Variants in AFF3 observed in about 807,000 individuals in gnomAD.
AFF3 encodes ALF transcription elongation factor 3, also known as AF4/FMR2 family member 3.
In AFF3, 32 loss-of-function variants were observed where a neutral mutation model predicts 129.7. The observed-to-expected ratio is 0.25, with a 90% CI of 0.19 to 0.33. The LOEUF is 0.33. Among genes scored for constraint, AFF3 ranks in the 10% least tolerant of loss-of-function variants. The probability of loss-of-function intolerance (pLI) is 1.00; values close to 1 mark genes in which losing one functional copy is unlikely to be tolerated. For synonymous variants in AFF3, 644 were observed against 635.4 expected, an observed-to-expected ratio of 1.01 and a Z score of -0.20; for missense variants, 1,373 against 1,592.0, an observed-to-expected ratio of 0.86 and a Z score of 2.34.
chr2:99,755,714 G>T (rs1192742124), intron 8 of AFF3, among the ~76,000 whole-genome samples: 1 of 152,102 alleles, frequency 6.6e-6, no homozygotes, highest in Non-Finnish European at 1.5e-5. Context: ...CTGATCTTTG[G>T]ACTTCGTCTT....
chr2:99,719,110 T>C (rs1443754122), intron 11 of AFF3, among the ~76,000 whole-genome samples: 1 of 149,338 alleles, frequency 6.7e-6, no homozygotes, highest in Admixed American at 6.7e-5. Flanking sequence ...TTCCTTCTAG[T>C]CCTAGTTGGC....
At chr2:100,016,534 T>C (rs1251248209) in intron 4 of AFF3, among the ~76,000 whole-genome samples, 1 of 150,492 alleles carries the variant, frequency 6.6e-6, no homozygotes, top group Non-Finnish European at 1.5e-5. Context: ...GTAGTGGTGG[T>C]GATGGTGGTA....
At chr2:100,046,115 A>G (rs544992646) in intron 4 of AFF3, among the ~76,000 whole-genome samples, 1 of 152,312 alleles carries the variant, frequency 6.6e-6, no homozygotes, top group South Asian at 2.1e-4. Flanking sequence ...CCTTCAAAAG[A>G]AAACCTTTCT....
In AFF3 at chr2:99,546,825, A is replaced by G. The variant is rs753566121; in HGVS notation, c.*4649T>C. ...AGTCAGGGAACTAACTTGTGACACTAAAGAATGACAAGCAAAGCGGCATCC... is the reference window on the plus strand; with the variant it reads ...AGTCAGGGAACTAACTTGTGACACTGAAGAATGACAAGCAAAGCGGCATCC... On this transcript the variant is annotated 3_prime_UTR_variant, in exon 25 of 25. Transcript: ENST00000672756. 1 of 214,234 alleles carries G rather than the reference A, an allele frequency of 4.7e-6. No individual in the cohort carries two copies. Among genetic ancestry groups the G allele is most frequent in the East Asian group, 7.0e-5 (1 of 14,374 alleles). The allele number at this position is 214,234 out of a possible 1,614,324, so 13.3% of individuals were successfully genotyped here.
intron 4 of AFF3, among the ~76,000 whole-genome samples, chr2:100,046,587 G>A (rs1189884551): frequency 6.6e-6 from 1 of 152,190 alleles, no homozygotes; most frequent in East Asian, 1.9e-4. Flanking sequence ...GCAAGGGAAG[G>A]ATTCTATTTA....
intron 8 of AFF3, among the ~76,000 whole-genome samples, chr2:99,817,383 T>A (rs2105645621): frequency 6.6e-6 from 1 of 152,356 alleles, no homozygotes; most frequent in South Asian, 2.1e-4. Flanking sequence ...TCCTGCTTCT[T>A]CCTGACACGT....
At chr2:99,609,476 C>T (rs191406607) in intron 13 of AFF3, among the ~76,000 whole-genome samples, 4 of 152,258 alleles carry the variant, frequency 2.6e-5, no homozygotes, top group Non-Finnish European at 4.4e-5. Context: ...TGAGAACACA[C>T]GACGCTTGAT....
intron 4 of AFF3, among the ~76,000 whole-genome samples, chr2:100,061,409 T>A (rs1687261302): frequency 6.6e-6 from 1 of 151,838 alleles, no homozygotes; most frequent in Non-Finnish European, 1.5e-5. Flanking sequence ...GGCTTCCTGA[T>A]CATCTTTATG....
chr2:99,924,675 A>G (rs559660323), intron 7 of AFF3, among the ~76,000 whole-genome samples: 4 of 152,280 alleles, frequency 2.6e-5, no homozygotes, highest in African/African-American at 4.8e-5. Context: ...AGTCTGTCAC[A>G]TTACTTATAA....
intron 8 of AFF3, among the ~76,000 whole-genome samples, chr2:99,812,159 T>C (rs1010348887): frequency 6.6e-6 from 1 of 152,198 alleles, no homozygotes; most frequent in Non-Finnish European, 1.5e-5. Flanking sequence ...CCAATCCTGA[T>C]GACCAGGTTC....
intron 12 of AFF3, among the ~76,000 whole-genome samples, chr2:99,650,425 G>A (rs1685128727): frequency 6.6e-6 from 1 of 152,086 alleles, no homozygotes; most frequent in African/African-American, 2.4e-5. Context: ...TGGGTGTGGT[G>A]GCATGCGCCT....
intron 7 of AFF3, among the ~76,000 whole-genome samples, chr2:99,944,294 G>T (rs1054849527): frequency 1.3e-5 from 2 of 152,206 alleles, no homozygotes; most frequent in Non-Finnish European, 2.9e-5. Flanking sequence ...TCTGTTTAAT[G>T]TCAGATAACA....
intron 3 of AFF3, 124 bp downstream of exon 3, chr2:100,105,379 CG>C: frequency 7.9e-7 from 1 of 1,267,356 alleles, no homozygotes; most frequent in Non-Finnish European, 1.0e-6. Context: ...AATAAAGCGG[CG>C]GCGCGGAGGA....
chr2:100,095,946 C>T (rs1475040345), intron 4 of AFF3, among the ~76,000 whole-genome samples: 1 of 152,164 alleles, frequency 6.6e-6, no homozygotes, highest in East Asian at 1.9e-4. Flanking sequence ...ACTGAAGTAT[C>T]TGAAACCTAC....
At chr2:99,696,116 T>A (rs1166110668) in intron 11 of AFF3, among the ~76,000 whole-genome samples, 2 of 151,742 alleles carry the variant, frequency 1.3e-5, no homozygotes, top group African/African-American at 4.8e-5. Flanking sequence ...CCAAACCCAT[T>A]CAGACAAAAT....
At chr2:99,620,986 T>C (rs1257644698) in intron 13 of AFF3, among the ~76,000 whole-genome samples, 2 of 152,222 alleles carry the variant, frequency 1.3e-5, no homozygotes, top group African/African-American at 4.8e-5. Flanking sequence ...TGCAGAACCA[T>C]GAGCCAAATA....
chr2:100,040,692 G>A (rs544289150), intron 4 of AFF3, among the ~76,000 whole-genome samples: 1 of 152,222 alleles, frequency 6.6e-6, no homozygotes, highest in South Asian at 2.1e-4. Flanking sequence ...CTACCGACAG[G>A]CTTGCTATTT....
intron 4 of AFF3, among the ~76,000 whole-genome samples, chr2:100,010,918 A>G (rs1402728453): frequency 6.6e-6 from 1 of 152,202 alleles, no homozygotes; most frequent in African/African-American, 2.4e-5. Flanking sequence ...TTTAATCAAC[A>G]GGAGAATTCT....
chr2:99,696,142 T>C (rs1182500592), intron 11 of AFF3, among the ~76,000 whole-genome samples: 2 of 152,088 alleles, frequency 1.3e-5, no homozygotes, highest in Non-Finnish European at 2.9e-5. Flanking sequence ...ATTTTTTTTT[T>C]TCATGAGGGG....
Sources: allele counts gnomAD v4.1 joint callset (sites outside exome capture counted in the v4.1 genomes callset), GRCh38; gene constraint gnomAD v4.1.1; transcripts MANE v1.5; gene names NCBI Gene and HGNC (gene_info 2026-07-23, HGNC 2026-07-21).